Variants in TRMO observed in about 807,000 individuals in gnomAD.
TRMO encodes tRNA methyltransferase O.
A neutral mutation model predicts 37.2 loss-of-function variants in TRMO; 30 were observed. That is an observed-to-expected ratio of 0.81 (90% confidence interval 0.60 to 1.09). The LOEUF is 1.09. Ranked by LOEUF, TRMO falls within the 50% of genes least tolerant of loss-of-function variation. The pLI is 0.00. For synonymous variants in TRMO, 239 were observed against 199.4 expected (o/e 1.20, Z -1.67); for missense variants, 552 against 549.5 (o/e 1.00, Z -0.05).
chr9:97,918,808 T>C (rs1826488305), intron 1 of TRMO, among the ~76,000 whole-genome samples: 1 of 152,234 alleles, frequency 6.6e-6, no homozygotes, highest in South Asian at 2.1e-4. Flanking sequence ...CGACTTGTTC[T>C]TTTTAGGTTG....
intron 4 of TRMO, among the ~76,000 whole-genome samples, chr9:97,906,740 GC>G (rs754650304): frequency 5.9e-5 from 9 of 151,816 alleles, no homozygotes; most frequent in Non-Finnish European, 1.2e-4. Context: ...TACTCAGGAG[GC>G]TGAGGGAGGA....
downstream of TRMO, among the ~76,000 whole-genome samples, chr9:97,902,730 T>A (rs1825708893): frequency 6.6e-6 from 1 of 152,218 alleles, no homozygotes; most frequent in Non-Finnish European, 1.5e-5. Context: ...AACAAAACAT[T>A]TTGTGCTTCA....
chr9:97,909,386 TA>T (rs1316360433), intron 4 of TRMO, among the ~76,000 whole-genome samples: 3 of 152,160 alleles, frequency 2.0e-5, no homozygotes, highest in Non-Finnish European at 4.4e-5. Flanking sequence ...TGTGTTAAAG[TA>T]AGCAGGCTCC....
Position 97,910,451 on chromosome 9 carries a change from T to A in TRMO, c.575A>T (p.Asp192Val). Reference protein sequence around the residue: ...QHTPNTVSQSDSKTDSCDQRQ... With the variant: ...QHTPNTVSQSVSKTDSCDQRQ... Reference sequence around the variant, plus strand: ...CTGGTCACAGCTGTCAGTCTTGCTGTCAGACTGGGACACAGTGTTTGGTGT... The same window carrying A: ...CTGGTCACAGCTGTCAGTCTTGCTGACAGACTGGGACACAGTGTTTGGTGT... The change falls in exon 4 of 5, where the codon GAC becomes GTC. Residue 192 changes from aspartate (D) to valine (V), a missense_variant. Asp to Val is a radical substitution (Grantham distance 152, BLOSUM62 -3). Coordinates refer to ENST00000375119, the MANE Select transcript of TRMO (RefSeq NM_016481.5). The A allele has an allele frequency of 6.2e-7, 1 of 1,614,148 alleles. No individual in the cohort carries two copies. Among genetic ancestry groups the A allele is most frequent in the Non-Finnish European group, 8.5e-7 (1 of 1,179,976 alleles).
chr9:97,921,847 G>A (rs550081050), intron 1 of TRMO, among the ~76,000 whole-genome samples: 1 of 152,100 alleles, frequency 6.6e-6, no homozygotes. Flanking sequence ...AAGCGTGGAA[G>A]GTAGACACCA....
chr9:97,899,490 GTGC>G (rs2131506195), downstream of TRMO, among the ~76,000 whole-genome samples: 1 of 151,766 alleles, frequency 6.6e-6, no homozygotes, highest in Non-Finnish European at 1.5e-5. Flanking sequence ...CCAGGCTGGA[GTGC>G]AGTGGCACAA....
downstream of TRMO, among the ~76,000 whole-genome samples, chr9:97,902,732 T>G (rs892067415): frequency 6.6e-6 from 1 of 152,246 alleles, no homozygotes; most frequent in African/African-American, 2.4e-5. Flanking sequence ...CAAAACATTT[T>G]GTGCTTCAAG....
chr9:97,913,865 G>A (rs935659438), intron 2 of TRMO: 4 of 250,976 alleles, frequency 1.6e-5, no homozygotes, highest in Non-Finnish European at 3.1e-5. Flanking sequence ...TTGCCAGGTA[G>A]TACGGTAAAA....
chr9:97,910,335 AG>A lies in TRMO; in HGVS notation c.690del (p.Tyr231ThrfsTer2), dbSNP rs1310196768. The A allele has an allele frequency of 2.5e-6, 4 of 1,614,174 alleles. No homozygotes were observed. The South Asian group carries it at 4.4e-5, about 18-fold the overall frequency. ...KCPEDRTSEENYLTHSDTARI... is the reference protein window; with the variant it reads ...KCPEDRTSEEXYLTHSDTARI... ...CTGGCTGTGTCACTGTGTGTCAGGTAGTTTTCTTCTGAAGTTCTGTCTTCAG... is the reference window on the plus strand; with the variant it reads ...CTGGCTGTGTCACTGTGTGTCAGGTATTTTCTTCTGAAGTTCTGTCTTCAG... On this transcript the variant is annotated frameshift_variant, in exon 4 of 5. Transcript: ENST00000375119. LOFTEE classifies it high-confidence loss of function.
chr9:97,913,364 T>G, intron 3 of TRMO, 37 bp downstream of exon 3: 2 of 1,612,180 alleles, frequency 1.2e-6, no homozygotes, highest in Non-Finnish European at 1.7e-6. Flanking sequence ...CTTTTTTGGG[T>G]GAGGAAAAAG....
chr9:97,921,769 T>A (rs10984375), intron 1 of TRMO, among the ~76,000 whole-genome samples: 27,734 of 152,080 alleles, frequency 0.18, 3,274 homozygotes, highest in Non-Finnish European at 0.26. Flanking sequence ...GATTTTTTTT[T>A]AAATTATTTT....
chr9:97,906,869 A>G (rs1825879144), intron 4 of TRMO, among the ~76,000 whole-genome samples: 1 of 151,866 alleles, frequency 6.6e-6, no homozygotes, highest in Non-Finnish European at 1.5e-5. Context: ...GAAAGAAAGA[A>G]AAAAGAAAAG....
At chr9:97,898,219 T>C in the TRMO span, among the ~76,000 whole-genome samples, 1 of 152,202 alleles carries the variant, frequency 6.6e-6, no homozygotes, top group African/African-American at 2.4e-5. Flanking sequence ...GCCTAAACCT[T>C]GAACCTTCTG....
chr9:97,919,364 AAAAAAAAAGAAAG>A (rs1450723225), intron 1 of TRMO, among the ~76,000 whole-genome samples: 1 of 151,538 alleles, frequency 6.6e-6, no homozygotes, highest in Non-Finnish European at 1.5e-5. Flanking sequence ...AAAGAGAAGA[AAAAAAAAAGAAAG>A]AAAGAAAAGA....
chr9:97,913,740 A>G (rs887285794), intron 2 of TRMO, among the ~76,000 whole-genome samples, 182 bp from the exon 3 acceptor site: 7 of 152,234 alleles, frequency 4.6e-5, no homozygotes, highest in African/African-American at 1.7e-4. Context: ...TTAAAGGAAG[A>G]GACAGAATCT....
chr9:97,922,385 C>T lies in TRMO; in HGVS notation c.76+33G>A, dbSNP rs756133526. The stretch of plus-strand genomic sequence containing the variant: ...GTCCGCTGCCTGGGCCTAAACCTCT[C>T]CAGAGTGTGGCACCGCCGGTGTTGG... On this transcript the variant is annotated intron_variant, in intron 1 of 4. Coordinates refer to ENST00000375119, the MANE Select transcript of TRMO (RefSeq NM_016481.5). 2.1e-5 allele frequency: 30 copies of T among 1,457,234 alleles called. No homozygotes were observed. The East Asian group carries it at 6.7e-4, about 33-fold the overall frequency. The allele number at this position is 1,457,234 out of a possible 1,614,324, so 90.3% of individuals were successfully genotyped here. A position where few individuals can be genotyped will look rare whatever the true frequency, so the allele number is the denominator to read the frequency against.
At chr9:97,910,929 C>T (rs1035643002) in intron 3 of TRMO, 22 of 541,696 alleles carry the variant, frequency 4.1e-5, no homozygotes, top group South Asian at 2.9e-4. Flanking sequence ...TCTGCTAGAG[C>T]GCTTTCCCCA....
intron 3 of TRMO, chr9:97,913,109 G>A (rs1826200829): frequency 2.1e-6 from 1 of 471,536 alleles, no homozygotes; most frequent in South Asian, 1.9e-5. Flanking sequence ...CCAAGTCAGA[G>A]AAACTTTGGT....
intron 1 of TRMO, among the ~76,000 whole-genome samples, chr9:97,922,080 T>C (rs1826670842): frequency 6.6e-6 from 1 of 152,200 alleles, no homozygotes; most frequent in African/African-American, 2.4e-5. Flanking sequence ...ATGGCATTTA[T>C]TAATTCCTAA....
Sources: gnomAD v4.1 joint callset for allele counts (sites outside exome capture counted in the v4.1 genomes callset) on GRCh38, gnomAD v4.1.1 for gene constraint, MANE v1.5 for transcripts, NCBI Gene and HGNC (gene_info 2026-07-23, HGNC 2026-07-21) for gene names.